CNDP1: variants seen among roughly 807,000 people sequenced by gnomAD.
CNDP1 encodes the protein beta-Ala-His dipeptidase.
Under a neutral mutation model 58.1 loss-of-function variants are expected in CNDP1, and 44 were observed. The observed-to-expected ratio is 0.76, with a 90% CI of 0.60 to 0.97. CNDP1 has a LOEUF of 0.97. Among genes scored for constraint, CNDP1 ranks in the 50% least tolerant of loss-of-function variants. The pLI, the probability that CNDP1 is intolerant of heterozygous loss-of-function variation, is 0.00. For missense variants in CNDP1, 616 were observed against 655.1 expected, an observed-to-expected ratio of 0.94 and a Z score of 0.65; for synonymous variants, 254 against 252.6, an observed-to-expected ratio of 1.01 and a Z score of -0.05.
At chr18:74,565,362 C>T (rs1981301255) in intron 5 of CNDP1, among the ~76,000 whole-genome samples, 1 of 152,206 alleles carries the variant, frequency 6.6e-6, no homozygotes, top group South Asian at 2.1e-4. Context: ...AGTCTTAACT[C>T]ATTTCAGCAT....
intron 1 of CNDP1, among the ~76,000 whole-genome samples, chr18:74,555,436 A>T (rs988337217): frequency 7.9e-5 from 12 of 151,388 alleles, no homozygotes; most frequent in Non-Finnish European, 1.3e-4. Flanking sequence ...ACTGGGGGAG[A>T]TGTTGCTGAT....
At position 74,583,622 on chromosome 18, in the gene CNDP1, C is replaced by G. The variant is rs565321477; in HGVS notation, c.1371C>G (p.Phe457Leu). ...DGSTIPIAKM[F>L]QEIVHKSVVL... ...CCACCATTCCAATTGCCAAAATGTT[C>G]CAGGAGATCGTCCACAAGAGCGTGG... The change falls in exon 11 of 12, where the codon TTC (phenylalanine) becomes TTG (leucine). Residue 457 changes from phenylalanine (F) to leucine (L), a missense_variant. Physicochemically the swap from Phe to Leu is conservative, Grantham distance 22. Coordinates refer to ENST00000358821, the MANE Select transcript of CNDP1 (RefSeq NM_032649.6). 1 of 1,614,050 alleles carries G rather than the reference C, an allele frequency of 6.2e-7. No individual in the cohort carries two copies. The highest frequency in any genetic ancestry group is 8.5e-7 in the Non-Finnish European group (1 of 1,179,938).
At chr18:74,559,742 T>C (rs1981139496) in intron 3 of CNDP1, among the ~76,000 whole-genome samples, 1 of 152,226 alleles carries the variant, frequency 6.6e-6, no homozygotes, top group East Asian at 1.9e-4. Context: ...GACCCCCTTG[T>C]ACTTTTCATT....
chr18:74,586,558 A>G lies in CNDP1; in HGVS notation c.*1996A>G, dbSNP rs1345588407. On this transcript the variant is annotated 3_prime_UTR_variant, in exon 12 of 12. Coordinates refer to ENST00000358821, the MANE Select transcript of CNDP1 (RefSeq NM_032649.6). ...CAACAATATGTATTCGCTGATCTTC[A>G]TTCCTGCTGAATCTGAGACCAGCAG... 1 of 152,250 alleles carries G rather than the reference A, an allele frequency of 6.6e-6. No homozygotes were observed. The highest frequency in any genetic ancestry group is 2.1e-4 in the South Asian group (1 of 4,834). The allele number at this position is 152,250 out of a possible 1,614,324, so 9.4% of individuals were successfully genotyped here. A position where few individuals can be genotyped will look rare whatever the true frequency, so the allele number is the denominator to read the frequency against.
At chr18:74,544,833 G>A (rs548205168) in intron 1 of CNDP1, among the ~76,000 whole-genome samples, 2 of 151,854 alleles carry the variant, frequency 1.3e-5, no homozygotes, top group Non-Finnish European at 2.9e-5. Flanking sequence ...ACCTCAGAAC[G>A]TGGCCTTATT....
chr18:74,575,504 G>A lies in CNDP1; in HGVS notation c.842-1365G>A, dbSNP rs534780203. On this transcript the variant is annotated intron_variant, in intron 7 of 11. Transcript: ENST00000358821. ...CCTGGCTGCATTTTGCCTTTGATAC[G>A]TATTTTCTACAGAGAGTGGGCGGTA... Among the ~76,000 whole-genome samples the A allele has an allele frequency of 5.9e-5, 9 of 152,272 alleles. No individual in the cohort carries two copies. In the East Asian group the frequency reaches 7.7e-4, roughly 13 times the overall value.
intron 6 of CNDP1, among the ~76,000 whole-genome samples, chr18:74,569,073 A>T (rs916090136): frequency 6.6e-6 from 1 of 152,172 alleles, no homozygotes; most frequent in Non-Finnish European, 1.5e-5. Flanking sequence ...CTTAATGAAG[A>T]CCGAGAACAG....
chr18:74,561,829 G>T (rs535187806), intron 4 of CNDP1, among the ~76,000 whole-genome samples: 1 of 152,242 alleles, frequency 6.6e-6, no homozygotes, highest in African/African-American at 2.4e-5. Flanking sequence ...ACTAGCTGAT[G>T]ACTGTACTAT....
Position 74,567,418 on chromosome 18 carries a change from C to T in CNDP1, c.741C>T (p.Ser247=). 6.2e-7 allele frequency: 1 copy of T among 1,613,834 alleles called. No individual in the cohort carries two copies. The highest frequency in any genetic ancestry group is 8.5e-7 in the Non-Finnish European group (1 of 1,179,760). Residue 247 remains serine, a synonymous_variant, in exon 6 of 12, where the codon AGC becomes AGT. Transcript: ENST00000358821. ...PAITYGTRGN[S]YFMVEVKCRD... ...TCACTTACGGAACCCGGGGGAACAG[C>T]TACTTCATGGTGGAGGTATCCACAG...
At chr18:74,558,900 G>C (rs1328173421) in intron 2 of CNDP1, among the ~76,000 whole-genome samples, 6 of 152,132 alleles carry the variant, frequency 3.9e-5, no homozygotes, top group Non-Finnish European at 8.8e-5. Flanking sequence ...GGCCCCTGTG[G>C]GGTTCAGTCA....
intron 11 of CNDP1, chr18:74,584,246 T>A: frequency 2.0e-6 from 1 of 502,650 alleles, no homozygotes; most frequent in South Asian, 2.4e-5. Flanking sequence ...TCCATATCAG[T>A]GATAAGAAAT....
chr18:74,548,559 A>G (rs965145213), intron 1 of CNDP1, among the ~76,000 whole-genome samples: 1 of 152,238 alleles, frequency 6.6e-6, no homozygotes, highest in African/African-American at 2.4e-5. Context: ...TAGCACTGCA[A>G]GAACAGCCTA....
intron 7 of CNDP1, among the ~76,000 whole-genome samples, chr18:74,572,727 G>A (rs36060345): frequency 0.022 from 3,203 of 142,516 alleles, 59 homozygotes; most frequent in Non-Finnish European, 0.036. Flanking sequence ...GGCAGAGGTT[G>A]CAGTGAGCTG....
intron 1 of CNDP1, among the ~76,000 whole-genome samples, chr18:74,551,209 G>C (rs549102142): frequency 6.6e-6 from 1 of 152,054 alleles, no homozygotes; most frequent in Non-Finnish European, 1.5e-5. Flanking sequence ...AAGGTGAGCT[G>C]ATGCTGGCAC....
intron 10 of CNDP1, 67 bp downstream of exon 10, chr18:74,580,338 G>C: frequency 6.6e-7 from 1 of 1,517,402 alleles, no homozygotes; most frequent in East Asian, 2.3e-5. Context: ...CCGTGGGACC[G>C]TGGGTAAAGC....
At chr18:74,569,143 C>G (rs1315885096) in intron 6 of CNDP1, among the ~76,000 whole-genome samples, 1 of 152,092 alleles carries the variant, frequency 6.6e-6, no homozygotes. Flanking sequence ...GTGAGACAGC[C>G]AGCTCAAGCT....
intron 1 of CNDP1, 144 bp from the exon 2 acceptor site, chr18:74,556,194 G>T: frequency 1.2e-6 from 1 of 833,064 alleles, no homozygotes; most frequent in Non-Finnish European, 1.9e-6. Context: ...ATACATGTTT[G>T]GTTCTACCGC....
At position 74,585,811 on chromosome 18, in the gene CNDP1, A is replaced by G. The variant is rs1346628248; in HGVS notation, c.*1249A>G. The G allele has an allele frequency of 6.6e-6, 1 of 151,706 alleles. No homozygotes were observed. Among genetic ancestry groups the G allele is most frequent in the South Asian group, 2.1e-4 (1 of 4,800 alleles). 9.4% of individuals were successfully genotyped at this position (151,706 alleles called of 1,614,324 possible). On this transcript the variant is annotated 3_prime_UTR_variant, in exon 12 of 12. Transcript: ENST00000358821. ...GGAGTTCGAGATCAGCCTGGCTAAC[A>G]TGGTGAAACCCTGTCTCTACTGAAT...
At chr18:74,578,422 T>C (rs1156255750) in intron 9 of CNDP1, 95 bp downstream of exon 9, 2 of 1,256,478 alleles carry the variant, frequency 1.6e-6, no homozygotes, top group East Asian at 4.8e-5. Context: ...TTGCTACCAT[T>C]GGAGTATCAT....
Sources: allele counts gnomAD v4.1 joint callset (sites outside exome capture counted in the v4.1 genomes callset), GRCh38; gene constraint gnomAD v4.1.1; transcripts MANE v1.5; gene names NCBI Gene and HGNC (gene_info 2026-07-23, HGNC 2026-07-21).